MDC1: variants seen among roughly 807,000 people sequenced by gnomAD.
The protein encoded by MDC1 is mediator of DNA damage checkpoint protein 1.
A neutral mutation model predicts 142.5 loss-of-function variants in MDC1; 81 were observed. That is an observed-to-expected ratio of 0.57 (90% CI 0.47 to 0.68). The LOEUF (loss-of-function observed/expected upper bound fraction) is 0.68. Ranked by LOEUF, MDC1 falls within the 30% of genes least tolerant of loss-of-function variation. MDC1 has a pLI of 0.00. For missense variants in MDC1, 2,119 were observed against 2,547.9 expected, an observed-to-expected ratio of 0.83 and a Z score of 3.62; for synonymous variants, 797 against 968.4, an observed-to-expected ratio of 0.82 and a Z score of 3.29.
chr6:30,711,316 A>G, intron 7 of MDC1, 96 bp downstream of exon 7: 1 of 1,108,626 alleles, frequency 9.0e-7, no homozygotes, highest in Non-Finnish European at 1.4e-6. Context: ...GGTTACAGTG[A>G]GCCGAGACTG....
intron 5 of MDC1, 24 bp from the exon 6 acceptor site, chr6:30,711,750 A>T: frequency 2.5e-6 from 4 of 1,602,022 alleles, no homozygotes; most frequent in Non-Finnish European, 3.4e-6. Context: ...AATATAAGAC[A>T]GTTTAAAACA....
chr6:30,705,842 C>G lies in MDC1; in HGVS notation c.3341G>C (p.Arg1114Thr). The part of the protein sequence containing the change: ...KPKIRTRKSS[R>T]MTPFPATSAA... ...AGAGGTAGCTGGAAAGGGTGTCATT[C>G]TGGAGGACTTCCGAGTTCTAATTTT... is the stretch of plus-strand genomic sequence containing the variant. The change falls in exon 10 of 15, where the codon AGA (arginine) becomes ACA (threonine). Residue 1114 changes from arginine to threonine, a missense_variant. Transcript: ENST00000376406. The G allele has an allele frequency of 6.2e-7, 1 of 1,611,290 alleles. No homozygotes were observed. The highest frequency in any genetic ancestry group is 8.5e-7 in the Non-Finnish European group (1 of 1,178,640).
In MDC1 at chr6:30,703,578, GA is replaced by G; in HGVS notation, c.5562+42del. ...ATCTTGGTGGGAGTTTCAGAGCCCTGAAGTCATTTTTCCCAGCTTTGTGGTC... is the reference window on the plus strand; with the variant it reads ...ATCTTGGTGGGAGTTTCAGAGCCCTGAGTCATTTTTCCCAGCTTTGTGGTC... On this transcript the variant is annotated intron_variant, in intron 10 of 14. Coordinates refer to ENST00000376406, the MANE Select transcript of MDC1 (RefSeq NM_014641.3). This position sits in a 1 kb window ranked among gnomAD's most constrained non-coding sequence, Gnocchi z 4.4. The G allele has an allele frequency of 6.2e-7, 1 of 1,612,652 alleles. No individual in the cohort carries two copies. Among genetic ancestry groups the G allele is most frequent in the South Asian group, 1.1e-5 (1 of 91,060 alleles).
At position 30,703,334 on chromosome 6, in the gene MDC1, C is replaced by T; in HGVS notation, c.5683-48G>A. ...TGGTTACGGCAACCCATGCCATCAG[C>T]ACCCATCTCTACAATCCTCTAGGTC... On this transcript the variant is annotated intron_variant, in intron 11 of 14. Transcript: ENST00000376406. This position sits in a 1 kb window ranked among gnomAD's most constrained non-coding sequence, Gnocchi z 4.4. 6.2e-7 allele frequency: 1 copy of T among 1,610,496 alleles called. No individual in the cohort carries two copies. The highest frequency in any genetic ancestry group is 1.1e-5 in the South Asian group (1 of 90,860).
rs1774467089 is a variant in MDC1 at position 30,709,375 on chromosome 6, T to C, written c.2222-1018A>G. Among the ~76,000 whole-genome samples the C allele has an allele frequency of 6.6e-6, 1 of 152,254 alleles. No homozygotes were observed. The highest frequency in any genetic ancestry group is 1.9e-4 in the East Asian group (1 of 5,206). On this transcript the variant is annotated intron_variant, in intron 7 of 14. Coordinates refer to ENST00000376406, the MANE Select transcript of MDC1 (RefSeq NM_014641.3). The surrounding 1 kb of genome is among the most constrained non-coding windows in gnomAD (Gnocchi z 4.2). Reference sequence around the variant, plus strand: ...TCCACTGTGTATATATACCACATTTTCTTTTTTCTTCATTGACACATAATA... The same window carrying C: ...TCCACTGTGTATATATACCACATTTCCTTTTTTCTTCATTGACACATAATA...
chr6:30,711,732 C>T lies in MDC1; in HGVS notation c.2069-6G>A, dbSNP rs771731216. The T allele has an allele frequency of 1.5e-5, 24 of 1,612,076 alleles. No individual in the cohort carries two copies. The highest frequency in any genetic ancestry group is 5.3e-5 in the African/African-American group (4 of 74,870). On this transcript the variant is annotated splice_polypyrimidine_tract_variant and splice_region_variant and intron_variant, in intron 5 of 14. Coordinates refer to ENST00000376406, the MANE Select transcript of MDC1 (RefSeq NM_014641.3). ...TAGGTCCAGATCTTCAGAATCTGGT[C>T]GGGGAGGAATATAAGACAGTTTAAA...
At chr6:30,702,320 A>G (rs1562073369) in intron 14 of MDC1, among the ~76,000 whole-genome samples, 1 of 151,558 alleles carries the variant, frequency 6.6e-6, no homozygotes, top group African/African-American at 2.4e-5. Flanking sequence ...GAGCAAATGT[A>G]GCATAATCTA....
intron 9 of MDC1, 104 bp downstream of exon 9, chr6:30,707,280 T>C: frequency 8.0e-7 from 1 of 1,249,838 alleles, no homozygotes; most frequent in Non-Finnish European, 1.2e-6. Context: ...GGAAGAAAAC[T>C]GAATAATGAG....
chr6:30,717,257 C>T lies in MDC1; in HGVS notation c.-16G>A, dbSNP rs1415530166. 1.3e-5 allele frequency: 2 copies of T among 152,206 alleles called. No homozygotes were observed. The highest frequency in any genetic ancestry group is 1.3e-4 in the Admixed American group (2 of 15,272). 9.4% of individuals were successfully genotyped at this position (152,206 alleles called of 1,614,324 possible). A position where few individuals can be genotyped will look rare whatever the true frequency, so the allele number is the denominator to read the frequency against. On this transcript the variant is annotated 5_prime_UTR_variant, in exon 1 of 15. Transcript: ENST00000376406. ...CCCTAGAACTCACCTACTTTAAGTC[C>T]CCGCGCGCGCCACCAGTAACGGTCG... is the stretch of plus-strand genomic sequence containing the variant.
rs1772407154 is a variant in MDC1, at chr6:30,700,279, A to G, written c.*186T>C. The stretch of plus-strand genomic sequence containing the variant: ...AAATGGCCATTAAAAAAACAAACAA[A>G]CAAACAAAAAACAACCTGTGGCTTC... On this transcript the variant is annotated 3_prime_UTR_variant, in exon 15 of 15. Transcript: ENST00000376406. The G allele has an allele frequency of 2.0e-6, 1 of 512,698 alleles. No homozygotes were observed. Among genetic ancestry groups the G allele is most frequent in the Admixed American group, 3.7e-5 (1 of 26,904 alleles). The allele number at this position is 512,698 out of a possible 1,614,324, so 31.8% of individuals were successfully genotyped here. A position where few individuals can be genotyped will look rare whatever the true frequency, so the allele number is the denominator to read the frequency against.
intron 7 of MDC1, among the ~76,000 whole-genome samples, chr6:30,710,588 G>C (rs1376398944): frequency 6.6e-6 from 1 of 151,936 alleles, no homozygotes; most frequent in Non-Finnish European, 1.5e-5. Context: ...GTAGAGACGG[G>C]GTTTCTCCAT....
chr6:30,704,656 C>A lies in MDC1; in HGVS notation c.4527G>T (p.Glu1509Asp), dbSNP rs3132589. The A allele has an allele frequency of 0.024, 38,634 of 1,611,152 alleles. 742 individuals are homozygous for A. The highest frequency in any genetic ancestry group is 0.099 in the African/African-American group (7,395 of 74,450). ...TTCCCCTAGTGGTCCGAGATGTGGG[C>A]TCAGAGGTGACAGGCTGGTCTGTGG... ...SASTDQPVTS[E>D]PTSRTTRGRK... Residue 1509 changes from glutamate (E) to aspartate (D), a missense_variant, in exon 10 of 15, where the codon GAG (glutamate) becomes GAT (aspartate). Glu to Asp is a conservative substitution (Grantham distance 45). Coordinates refer to ENST00000376406, the MANE Select transcript of MDC1 (RefSeq NM_014641.3).
chr6:30,710,164 C>T (rs1774608429), intron 7 of MDC1, among the ~76,000 whole-genome samples: 1 of 152,144 alleles, frequency 6.6e-6, no homozygotes, highest in Non-Finnish European at 1.5e-5. Flanking sequence ...CCTTGGCTCA[C>T]TGCAACCTCT....
intron 7 of MDC1, among the ~76,000 whole-genome samples, chr6:30,710,277 C>T (rs1384567261): frequency 6.6e-6 from 1 of 152,024 alleles, no homozygotes; most frequent in African/African-American, 2.4e-5. Flanking sequence ...TTAGTAGAGA[C>T]AGGGTTTCAC....
chr6:30,713,820 T>A lies in MDC1; in HGVS notation c.500A>T (p.Asp167Val). The A allele has an allele frequency of 6.2e-7, 1 of 1,613,942 alleles. No homozygotes were observed. The highest frequency in any genetic ancestry group is 8.5e-7 in the Non-Finnish European group (1 of 1,179,920). ...TQPQRLLLAE[D>V]SEEEVDFLSE... Reference sequence around the variant, plus strand: ...AAACTTACCTACTTCCTCCTCCGAGTCCTCAGCCAACAGAAGCCTCTGGGG... The same window carrying A: ...AAACTTACCTACTTCCTCCTCCGAGACCTCAGCCAACAGAAGCCTCTGGGG... Residue 167 changes from aspartate to valine, a missense_variant, in exon 3 of 15, where the codon GAC (aspartate) becomes GTC (valine). Physicochemically the swap from Asp to Val is radical, Grantham distance 152. Transcript: ENST00000376406. The surrounding 1 kb of genome is among the most constrained non-coding windows in gnomAD (Gnocchi z 4.9).
intron 6 of MDC1, 35 bp downstream of exon 6, chr6:30,711,632 C>T: frequency 1.2e-6 from 2 of 1,611,342 alleles, no homozygotes. Context: ...CCAGCTCCCA[C>T]TGGTACAGGA....
At position 30,705,596 on chromosome 6, in the gene MDC1, A is replaced by C. The variant is rs1354758538; in HGVS notation, c.3587T>G (p.Val1196Gly). ...GGGCACAACTGTTTCAGGGGTCTTG[A>C]CAGAGGATCTACTTTTTCTTCCCCT... is the stretch of plus-strand genomic sequence containing the variant. ...VTRGRKSRSS[V>G]KTPETVVPTA... Residue 1196 changes from valine (V) to glycine (G), a missense_variant, in exon 10 of 15, where the codon GTC (valine) becomes GGC (glycine). Coordinates refer to ENST00000376406, the MANE Select transcript of MDC1 (RefSeq NM_014641.3). 1.9e-6 allele frequency: 3 copies of C among 1,605,292 alleles called. No individual in the cohort carries two copies. Among genetic ancestry groups the C allele is most frequent in the Non-Finnish European group, 2.5e-6 (3 of 1,176,758 alleles).
chr6:30,703,449 G>A lies in MDC1; in HGVS notation c.5651C>T (p.Thr1884Ile). The A allele has an allele frequency of 1.2e-6, 2 of 1,613,958 alleles. No homozygotes were observed. Among genetic ancestry groups the A allele is most frequent in the Non-Finnish European group, 1.7e-6 (2 of 1,180,040 alleles). ...NRIPSRSLRRTKLNQESTAPK... is the reference protein window; with the variant it reads ...NRIPSRSLRRIKLNQESTAPK... Reference sequence around the variant, plus strand: ...GGCTGTTGATTCTTGGTTAAGTTTGGTCCGTCGGAGGCTGCGGCTTGGTAT... The same window carrying A: ...GGCTGTTGATTCTTGGTTAAGTTTGATCCGTCGGAGGCTGCGGCTTGGTAT... The change falls in exon 11 of 15, where the codon ACC becomes ATC. Residue 1884 changes from threonine (T) to isoleucine (I), a missense_variant. Transcript: ENST00000376406. This position sits in a 1 kb window ranked among gnomAD's most constrained non-coding sequence, Gnocchi z 4.4.
Position 30,716,898 on chromosome 6 carries a change from C to T in MDC1, c.-4+347G>A, listed in dbSNP as rs1224733856. Reference sequence around the variant, plus strand: ...GGAATTCACCTGAAAATATGCCACTCTAGAGGGAAACTGTTGACAGGTAGG... The same window carrying T: ...GGAATTCACCTGAAAATATGCCACTTTAGAGGGAAACTGTTGACAGGTAGG... On this transcript the variant is annotated intron_variant, in intron 1 of 14. Transcript: ENST00000376406. This position sits in a 1 kb window ranked among gnomAD's most constrained non-coding sequence, Gnocchi z 4.4. 4.1e-6 allele frequency: 4 copies of T among 984,702 alleles called. No homozygotes were observed. In the South Asian group the frequency reaches 1.9e-4, roughly 46 times the overall value. The allele number at this position is 984,702 out of a possible 1,614,324, so 61.0% of individuals were successfully genotyped here.
Sources: allele counts gnomAD v4.1 joint callset (sites outside exome capture counted in the v4.1 genomes callset), GRCh38; gene constraint gnomAD v4.1.1; non-coding constraint Gnocchi (gnomAD v3.1); transcripts MANE v1.5; gene names NCBI Gene and HGNC (gene_info 2026-07-23, HGNC 2026-07-21).